Variants in CCDC92B observed in about 807,000 individuals in gnomAD.
CCDC92B encodes the protein coiled-coil domain containing 92B.
A neutral mutation model predicts 5.6 loss-of-function variants in CCDC92B; 2 were observed. The ratio of observed to expected loss-of-function variants is 0.36; its 90% CI spans 0.15 to 1.12. CCDC92B has a LOEUF of 1.12. Among genes scored for constraint, CCDC92B ranks in the 50% most tolerant of loss-of-function variants. The pLI is 0.40. For missense variants in CCDC92B, 271 were observed against 262.2 expected, an observed-to-expected ratio of 1.03 and a Z score of -0.23; for synonymous variants, 115 against 122.3, an observed-to-expected ratio of 0.94 and a Z score of 0.39.
chr17:2,731,334 C>T (rs1247221778), intron 2 of CCDC92B, among the ~76,000 whole-genome samples: 1 of 152,078 alleles, frequency 6.6e-6, no homozygotes, highest in East Asian at 1.9e-4. Flanking sequence ...TTTTTCCAGC[C>T]CCACCCCCAC....
In CCDC92B at chr17:2,723,955, G is replaced by T. The variant is rs1249620004; in HGVS notation, c.*456C>A. 1.0e-6 allele frequency: 1 copy of T among 981,242 alleles called. No individual in the cohort carries two copies. The highest frequency in any genetic ancestry group is 1.8e-5 in the African/African-American group (1 of 56,506). The allele number at this position is 981,242 out of a possible 1,614,324, so 60.8% of individuals were successfully genotyped here. Reference sequence around the variant, plus strand: ...GGAGGAAGAAGGCTTGGCGGGAAGGGCGTCGGCGCGGGGGTGGGGGAGGCG... The same window carrying T: ...GGAGGAAGAAGGCTTGGCGGGAAGGTCGTCGGCGCGGGGGTGGGGGAGGCG... On this transcript the variant is annotated 3_prime_UTR_variant, in exon 4 of 4. Coordinates refer to ENST00000614400, the MANE Select transcript of CCDC92B (RefSeq NM_001355573.2).
chr17:2,740,164 C>G (rs1202860468), intron 1 of CCDC92B, among the ~76,000 whole-genome samples: 1 of 152,024 alleles, frequency 6.6e-6, no homozygotes, highest in African/African-American at 2.4e-5. Flanking sequence ...GGCAGAGTTC[C>G]AGGACGGTCC....
rs1403218251 is a variant in CCDC92B at position 2,720,813 on chromosome 17, A to G, written c.*3598T>C. Reference sequence around the variant, plus strand: ...GATTGGACTCACGTGTTTTTCAGAGATTTTATTAAGAATAAGGCATATGAC... The same window carrying G: ...GATTGGACTCACGTGTTTTTCAGAGGTTTTATTAAGAATAAGGCATATGAC... On this transcript the variant is annotated 3_prime_UTR_variant, in exon 4 of 4. Coordinates refer to ENST00000614400, the MANE Select transcript of CCDC92B (RefSeq NM_001355573.2). The G allele has an allele frequency of 6.6e-6, 1 of 152,120 alleles. No homozygotes were observed. The highest frequency in any genetic ancestry group is 1.9e-4 in the East Asian group (1 of 5,194). The allele number at this position is 152,120 out of a possible 1,614,324, so 9.4% of individuals were successfully genotyped here. A position where few individuals can be genotyped will look rare whatever the true frequency, so the allele number is the denominator to read the frequency against.
chr17:2,746,756 C>T (rs1453366166), intron 1 of CCDC92B, among the ~76,000 whole-genome samples: 14 of 152,092 alleles, frequency 9.2e-5, no homozygotes, highest in Admixed American at 7.2e-4. Flanking sequence ...CTGCAACCTC[C>T]GCCTCCTGGG....
intron 2 of CCDC92B, among the ~76,000 whole-genome samples, 161 bp from the exon 3 acceptor site, chr17:2,730,654 G>A (rs887449120): frequency 3.3e-5 from 5 of 151,386 alleles, no homozygotes; most frequent in Non-Finnish European, 5.9e-5. Context: ...CTATTTTACC[G>A]CAACCCTGCA....
At chr17:2,726,184 T>TATA (rs1567610409) in intron 3 of CCDC92B, among the ~76,000 whole-genome samples, 3 of 17,382 alleles carry the variant, frequency 1.7e-4, no homozygotes, top group African/African-American at 1.3e-4. Context: ...ATATATATAT[T>TATA]TTTTTTTTTT....
rs1293727957 is a variant in CCDC92B, at chr17:2,724,098, C to T, written c.*313G>A. ...TCGGCTTTCCCGGGGAAGGGCGTGG[C>T]CCCCGCCCCTCCTGTCTCACAGGCA... On this transcript the variant is annotated 3_prime_UTR_variant, in exon 4 of 4. Transcript: ENST00000614400. This position sits in a 1 kb window ranked among gnomAD's most constrained non-coding sequence, Gnocchi z 5.0. 2 of 984,142 alleles carry T rather than the reference C, an allele frequency of 2.0e-6. No homozygotes were observed. The highest frequency in any genetic ancestry group is 1.7e-5 in the African/African-American group (1 of 57,184). The allele number at this position is 984,142 out of a possible 1,614,324, so 61.0% of individuals were successfully genotyped here.
chr17:2,740,796 C>T (rs528309165), intron 1 of CCDC92B, among the ~76,000 whole-genome samples: 23 of 151,786 alleles, frequency 1.5e-4, no homozygotes, highest in East Asian at 9.7e-4. Flanking sequence ...GATGAAACCT[C>T]GTCTCTACAA....
intron 3 of CCDC92B, among the ~76,000 whole-genome samples, chr17:2,726,694 C>A (rs9747511): frequency 0.7 from 106,064 of 151,224 alleles, 39,617 homozygotes; most frequent in Non-Finnish European, 0.82. Flanking sequence ...GTTCACTGCA[C>A]CCTCTGCCTC....
chr17:2,738,677 C>CG (rs1172523183), intron 1 of CCDC92B, among the ~76,000 whole-genome samples: 2 of 151,002 alleles, frequency 1.3e-5, no homozygotes, highest in South Asian at 2.1e-4. Flanking sequence ...AGGAGAATGG[C>CG]TGAACCCGGG....
chr17:2,742,987 A>T (rs1026433547), intron 1 of CCDC92B, among the ~76,000 whole-genome samples: 4 of 152,210 alleles, frequency 2.6e-5, no homozygotes, highest in African/African-American at 9.6e-5. Context: ...CATATCCCAA[A>T]GCCAGTCACT....
At chr17:2,725,087 C>T in intron 3 of CCDC92B, 87 bp from the exon 4 acceptor site, 1 of 985,456 alleles carries the variant, frequency 1.0e-6, no homozygotes, top group South Asian at 4.7e-5. Flanking sequence ...TAACAAAACC[C>T]CCAGGCCGGG....
chr17:2,737,425 G>A (rs992542183), intron 1 of CCDC92B, among the ~76,000 whole-genome samples: 14 of 147,500 alleles, frequency 9.5e-5, no homozygotes, highest in Non-Finnish European at 1.9e-4. Flanking sequence ...CCTTTCTCTG[G>A]TACTCCCCTG....
intron 2 of CCDC92B, 67 bp downstream of exon 2, chr17:2,734,949 A>C: frequency 3.7e-5 from 36 of 968,042 alleles, no homozygotes; most frequent in East Asian, 1.2e-4. Flanking sequence ...GGCACAACCC[A>C]GAGACAGTGG....
chr17:2,724,183 C>G lies in CCDC92B; in HGVS notation c.*228G>C. 1 of 985,384 alleles carries G rather than the reference C, an allele frequency of 1.0e-6. No homozygotes were observed. Among genetic ancestry groups the G allele is most frequent in the Non-Finnish European group, 1.2e-6 (1 of 829,924 alleles). The allele number at this position is 985,384 out of a possible 1,614,324, so 61.0% of individuals were successfully genotyped here. ...TCTCGGTAGAGAAGGTGCCCCCGCT[C>G]GGCCCCGCGGAGGAACTCTCGCGCG... On this transcript the variant is annotated 3_prime_UTR_variant, in exon 4 of 4. Coordinates refer to ENST00000614400, the MANE Select transcript of CCDC92B (RefSeq NM_001355573.2). The surrounding 1 kb of genome is among the most constrained non-coding windows in gnomAD (Gnocchi z 5.0).
At position 2,724,837 on chromosome 17, in the gene CCDC92B, C is replaced by G; in HGVS notation, c.342G>C (p.Glu114Asp). Residue 114 changes from glutamate (E) to aspartate (D), a missense_variant, in exon 4 of 4, where the codon GAG (glutamate) becomes GAC (aspartate). Transcript: ENST00000614400. This position sits in a 1 kb window ranked among gnomAD's most constrained non-coding sequence, Gnocchi z 5.0. Reference sequence around the variant, plus strand: ...CGCGGTGGCTGCGGCGGCGCAGCTCCTCCAGGAAGCGGCGCTCCTCGGTGC... The same window carrying G: ...CGCGGTGGCTGCGGCGGCGCAGCTCGTCCAGGAAGCGGCGCTCCTCGGTGC... Reference protein sequence around the residue: ...SLRTEERRFLEELRRRSHRAT... With the variant: ...SLRTEERRFLDELRRRSHRAT... The G allele has an allele frequency of 1.0e-6, 1 of 985,090 alleles. No individual in the cohort carries two copies. The highest frequency in any genetic ancestry group is 1.2e-6 in the Non-Finnish European group (1 of 829,808). 61.0% of individuals were successfully genotyped at this position (985,090 alleles called of 1,614,324 possible). A position where few individuals can be genotyped will look rare whatever the true frequency, so the allele number is the denominator to read the frequency against.
intron 3 of CCDC92B, among the ~76,000 whole-genome samples, chr17:2,726,976 C>CTCACT (rs1021426340): frequency 1.3e-5 from 2 of 149,822 alleles, no homozygotes; most frequent in African/African-American, 5.0e-5. Context: ...AGCGGCATAG[C>CTCACT]TCACTGCAGC....
chr17:2,748,987 G>T (rs2071021858), intron 1 of CCDC92B, among the ~76,000 whole-genome samples: 1 of 152,182 alleles, frequency 6.6e-6, no homozygotes, highest in Admixed American at 6.5e-5. Flanking sequence ...CGGGAATGGG[G>T]TGTATGGGGA....
chr17:2,741,005 T>C (rs760139441), intron 1 of CCDC92B, among the ~76,000 whole-genome samples: 240 of 146,648 alleles, frequency 1.6e-3, no homozygotes, highest in Non-Finnish European at 2.9e-3. Context: ...GCCAGACTCC[T>C]GGGCTTAGAC....
Sources: allele counts gnomAD v4.1 joint callset (sites outside exome capture counted in the v4.1 genomes callset), GRCh38; gene constraint gnomAD v4.1.1; non-coding constraint Gnocchi (gnomAD v3.1); transcripts MANE v1.5; gene names NCBI Gene and HGNC (gene_info 2026-07-23, HGNC 2026-07-21).